SV2B: variants seen among roughly 807,000 people sequenced by gnomAD.
SV2B encodes the protein synaptic vesicle glycoprotein 2B.
In SV2B, 41 loss-of-function variants were observed where a neutral mutation model predicts 73.9. That is an observed-to-expected ratio of 0.56 (90% CI 0.43 to 0.72). SV2B has a LOEUF of 0.72. Among genes scored for constraint, SV2B ranks in the 30% least tolerant of loss-of-function variants. The pLI is 0.00. For missense variants in SV2B, 764 were observed against 857.8 expected (o/e 0.89, Z 1.37); for synonymous variants, 314 against 314.2 (o/e 1.00, Z 0.01).
intron 1 of SV2B, among the ~76,000 whole-genome samples, chr15:91,221,996 C>G (rs2046235717): frequency 6.6e-6 from 1 of 152,212 alleles, no homozygotes; most frequent in Admixed American, 6.5e-5. Context: ...CACCTGGTCT[C>G]TTCATTCTGC....
At position 91,137,710 on chromosome 15, in the gene SV2B, T is replaced by C. The variant is rs1234251091; in HGVS notation, c.-392+37347T>C. On this transcript the variant is annotated intron_variant, in intron 1 of 12. Coordinates refer to ENST00000394232, the MANE Select transcript of SV2B (RefSeq NM_001323032.3). This position sits in a 1 kb window ranked among gnomAD's most constrained non-coding sequence, Gnocchi z 4.9. Reference sequence around the variant, plus strand: ...CACACACACACACATTTGCACAGGTTATTAATTGTAGCCAACAGCATTAAT... The same window carrying C: ...CACACACACACACATTTGCACAGGTCATTAATTGTAGCCAACAGCATTAAT... 1.3e-5 allele frequency among the ~76,000 whole-genome samples: 2 copies of C among 150,060 alleles called. No homozygotes were observed. The highest frequency in any genetic ancestry group is 3.0e-5 in the Non-Finnish European group (2 of 67,754).
intron 1 of SV2B, among the ~76,000 whole-genome samples, chr15:91,113,475 A>G (rs980342434): frequency 4.6e-5 from 7 of 152,258 alleles, no homozygotes; most frequent in African/African-American, 1.7e-4. Context: ...GCTTATGGGA[A>G]CAAGTTGAGG....
rs1889505185 is a variant in SV2B at position 91,261,824 on chromosome 15, T to C, written c.1008+1415T>C. On this transcript the variant is annotated intron_variant, in intron 6 of 12. Coordinates refer to ENST00000394232, the MANE Select transcript of SV2B (RefSeq NM_001323032.3). The surrounding 1 kb of genome is among the most constrained non-coding windows in gnomAD (Gnocchi z 4.7). Reference sequence around the variant, plus strand: ...ACAAAATGGTAAATGGTAATTTCTATGAAGATGGCCTGATAGTTACAGAGA... The same window carrying C: ...ACAAAATGGTAAATGGTAATTTCTACGAAGATGGCCTGATAGTTACAGAGA... Among the ~76,000 whole-genome samples the C allele has an allele frequency of 6.6e-6, 1 of 152,202 alleles. No individual in the cohort carries two copies. The highest frequency in any genetic ancestry group is 1.5e-5 in the Non-Finnish European group (1 of 68,038).
chr15:91,256,911 G>A (rs2047716170), intron 4 of SV2B, among the ~76,000 whole-genome samples: 1 of 152,148 alleles, frequency 6.6e-6, no homozygotes, highest in South Asian at 2.1e-4. Flanking sequence ...AAAATTCAAG[G>A]CAAGCTGTTT....
At chr15:91,233,496 C>A (rs76705121) in intron 2 of SV2B, among the ~76,000 whole-genome samples, 1,899 of 152,250 alleles carry the variant, frequency 0.012, 51 homozygotes, top group East Asian at 0.12. Context: ...GAATCTCATT[C>A]TGTGAGTGGC....
chr15:91,227,647 C>T lies in SV2B; in HGVS notation c.451+933C>T, dbSNP rs747939186. Among the ~76,000 whole-genome samples the T allele has an allele frequency of 4.6e-5, 7 of 152,186 alleles. No individual in the cohort carries two copies. Among genetic ancestry groups the T allele is most frequent in the Non-Finnish European group, 7.3e-5 (5 of 68,032 alleles). ...TATCTAGCAATTCAGCTCCTTCATT[C>T]AACAAATATCTTTTATTGGTTTACC... On this transcript the variant is annotated intron_variant, in intron 2 of 12. Transcript: ENST00000394232. This position sits in a 1 kb window ranked among gnomAD's most constrained non-coding sequence, Gnocchi z 4.5.
rs2042613858 is a variant in SV2B, at chr15:91,130,666, T to A, written c.-392+30303T>A. On this transcript the variant is annotated intron_variant, in intron 1 of 12. Transcript: ENST00000394232. The surrounding 1 kb of genome is among the most constrained non-coding windows in gnomAD (Gnocchi z 5.6). The stretch of plus-strand genomic sequence containing the variant: ...TGCGTGTCAGTCAGGATGTGGCTTG[T>A]GAGTCTTGCAGACATACTGCCTGCA... 6.6e-6 allele frequency among the ~76,000 whole-genome samples: 1 copy of A among 151,904 alleles called. No homozygotes were observed. The highest frequency in any genetic ancestry group is 6.6e-5 in the Admixed American group (1 of 15,254).
At chr15:91,291,615 A>G (rs999744456) in intron 12 of SV2B, among the ~76,000 whole-genome samples, 1 of 152,206 alleles carries the variant, frequency 6.6e-6, no homozygotes, top group Non-Finnish European at 1.5e-5. Context: ...ACCTCAGGTA[A>G]CTGTGGTCTT....
Position 91,171,559 on chromosome 15 carries a change from T to C in SV2B, c.-391-54314T>C, listed in dbSNP as rs1289466868. Among the ~76,000 whole-genome samples the C allele has an allele frequency of 2.6e-5, 4 of 152,148 alleles. No individual in the cohort carries two copies. The East Asian group carries it at 7.7e-4, about 29-fold the overall frequency. On this transcript the variant is annotated intron_variant, in intron 1 of 12. Transcript: ENST00000394232. ...CTATTGGTTTGGGTCGTGTGTCATG[T>C]TGGCAGCTAATTTTCTCAGAGCGGT...
intron 1 of SV2B, among the ~76,000 whole-genome samples, chr15:91,153,462 G>T (rs1276211889): frequency 6.6e-6 from 1 of 152,110 alleles, no homozygotes; most frequent in African/African-American, 2.4e-5. Context: ...CAGGCATTTA[G>T]CTTCCCCAAG....
chr15:91,115,965 C>T lies in SV2B; in HGVS notation c.-392+15602C>T, dbSNP rs2042167176. ...GTTTCACATACACCTTAACAGAGTA[C>T]ATGCACACACATACACACACACATA... On this transcript the variant is annotated intron_variant, in intron 1 of 12. Transcript: ENST00000394232. This position sits in a 1 kb window ranked among gnomAD's most constrained non-coding sequence, Gnocchi z 4.3. Among the ~76,000 whole-genome samples, 1 of 152,236 alleles carries T rather than the reference C, an allele frequency of 6.6e-6. No individual in the cohort carries two copies. The highest frequency in any genetic ancestry group is 1.9e-4 in the East Asian group (1 of 5,190).
Position 91,105,893 on chromosome 15 carries a change from A to T in SV2B, c.-392+5530A>T, listed in dbSNP as rs2041868213. Among the ~76,000 whole-genome samples the T allele has an allele frequency of 6.6e-6, 1 of 152,064 alleles. No homozygotes were observed. The highest frequency in any genetic ancestry group is 1.5e-5 in the Non-Finnish European group (1 of 68,010). ...GCAAAATCCCAACTCTACAACAAAT[A>T]AAAAAATTAGCCAGGTGTGGTGGCA... On this transcript the variant is annotated intron_variant, in intron 1 of 12. Coordinates refer to ENST00000394232, the MANE Select transcript of SV2B (RefSeq NM_001323032.3). The surrounding 1 kb of genome is among the most constrained non-coding windows in gnomAD (Gnocchi z 5.5).
chr15:91,157,103 G>C (rs1007809134), intron 1 of SV2B, among the ~76,000 whole-genome samples: 11 of 152,208 alleles, frequency 7.2e-5, no homozygotes, highest in African/African-American at 2.7e-4. Context: ...GCAGGTTAAA[G>C]AGGGGGAAGC....
In SV2B at chr15:91,122,279, A is replaced by G. The variant is rs2042362059; in HGVS notation, c.-392+21916A>G. On this transcript the variant is annotated intron_variant, in intron 1 of 12. Transcript: ENST00000394232. The surrounding 1 kb of genome is among the most constrained non-coding windows in gnomAD (Gnocchi z 4.3). The stretch of plus-strand genomic sequence containing the variant: ...ATGAGTACAGAGTCAGATTCAGAGA[A>G]GGAGTTGATCAACGATATCCTCTCC... Among the ~76,000 whole-genome samples, 1 of 152,226 alleles carries G rather than the reference A, an allele frequency of 6.6e-6. No individual in the cohort carries two copies. Among genetic ancestry groups the G allele is most frequent in the African/African-American group, 2.4e-5 (1 of 41,448 alleles).
intron 1 of SV2B, among the ~76,000 whole-genome samples, chr15:91,162,011 A>C (rs1403122080): frequency 6.6e-6 from 1 of 152,246 alleles, no homozygotes; most frequent in Non-Finnish European, 1.5e-5. Flanking sequence ...GAACAGTAAA[A>C]TGCAAACATT....
At chr15:91,191,063 C>CTTTTTTTTT (rs59849012) in intron 1 of SV2B, among the ~76,000 whole-genome samples, 2 of 64,234 alleles carry the variant, frequency 3.1e-5, no homozygotes, top group Non-Finnish European at 6.2e-5. Context: ...TTTGGTGTTT[C>CTTTTTTTTT]TTTTTTTTTT....
Position 91,294,196 on chromosome 15 carries a change from G to A in SV2B, c.*1644G>A, listed in dbSNP as rs2049141925. ...AAAACAGAATAATAATGGCTATATC[G>A]AGTGTTTTCTCAGTATTGGAGAAAT... On this transcript the variant is annotated 3_prime_UTR_variant, in exon 13 of 13. Coordinates refer to ENST00000394232, the MANE Select transcript of SV2B (RefSeq NM_001323032.3). The surrounding 1 kb of genome is among the most constrained non-coding windows in gnomAD (Gnocchi z 4.1). 6.6e-6 allele frequency: 1 copy of A among 152,170 alleles called. No individual in the cohort carries two copies. The highest frequency in any genetic ancestry group is 2.4e-5 in the African/African-American group (1 of 41,442). 9.4% of individuals were successfully genotyped at this position (152,170 alleles called of 1,614,324 possible).
intron 1 of SV2B, among the ~76,000 whole-genome samples, chr15:91,117,549 A>G (rs1315177671): frequency 6.6e-6 from 1 of 152,160 alleles, no homozygotes; most frequent in Non-Finnish European, 1.5e-5. Flanking sequence ...GGCATCTCTC[A>G]TCTCTCCACC....
Position 91,223,569 on chromosome 15 carries a change from G to GC in SV2B, c.-391-2299dup, listed in dbSNP as rs901779654. Among the ~76,000 whole-genome samples the GC allele has an allele frequency of 1.3e-5, 2 of 152,094 alleles. No homozygotes were observed. Among genetic ancestry groups the GC allele is most frequent in the Non-Finnish European group, 2.9e-5 (2 of 68,022 alleles). ...TTCTGGTTCACGACGTTGTTATAGG[G>GC]CCCCCAGGATGGAAATAACACACCA... On this transcript the variant is annotated intron_variant, in intron 1 of 12. Transcript: ENST00000394232. This position sits in a 1 kb window ranked among gnomAD's most constrained non-coding sequence, Gnocchi z 4.6.
Sources: allele counts gnomAD v4.1 joint callset (sites outside exome capture counted in the v4.1 genomes callset), GRCh38; gene constraint gnomAD v4.1.1; non-coding constraint Gnocchi (gnomAD v3.1); transcripts MANE v1.5; gene names NCBI Gene and HGNC (gene_info 2026-07-23, HGNC 2026-07-21).